Variants in PRKN observed in about 807,000 individuals in gnomAD.
PRKN encodes the protein E3 ubiquitin-protein ligase parkin.
Under a neutral mutation model 59.5 loss-of-function variants are expected in PRKN, and 56 were observed. That is an observed-to-expected ratio of 0.94 (90% CI 0.76 to 1.18). The LOEUF (loss-of-function observed/expected upper bound fraction) is 1.18. Ranked by LOEUF, PRKN falls within the 50% of genes most tolerant of loss-of-function variation. PRKN has a pLI of 0.00. For missense variants in PRKN, 657 were observed against 596.4 expected (o/e 1.10, Z -1.06); for synonymous variants, 250 against 222.1 (o/e 1.13, Z -1.12).
At chr6:161,513,987 T>C (rs1177584859) in intron 9 of PRKN, among the ~76,000 whole-genome samples, 1 of 152,076 alleles carries the variant, frequency 6.6e-6, no homozygotes, top group Non-Finnish European at 1.5e-5. Flanking sequence ...TATGAAAAGT[T>C]GGTGGTTGTG....
intron 2 of PRKN, among the ~76,000 whole-genome samples, chr6:162,427,447 G>T (rs1022922068): frequency 6.6e-6 from 1 of 152,150 alleles, no homozygotes; most frequent in Admixed American, 6.5e-5. Flanking sequence ...AATCCATTGT[G>T]ATGTCACACA....
intron 1 of PRKN, among the ~76,000 whole-genome samples, chr6:162,455,621 T>C (rs936610238): frequency 1.3e-5 from 2 of 152,156 alleles, no homozygotes; most frequent in East Asian, 1.9e-4. Context: ...TTGACAGATA[T>C]AAGATGGCTA....
chr6:161,712,239 T>C (rs1786779362), intron 7 of PRKN, among the ~76,000 whole-genome samples: 1 of 152,148 alleles, frequency 6.6e-6, no homozygotes, highest in Admixed American at 6.5e-5. Flanking sequence ...TAACAAGCAG[T>C]AATGGAGTCA....
At chr6:161,771,001 AT>A (rs1466009132) in intron 7 of PRKN, among the ~76,000 whole-genome samples, 1 of 152,086 alleles carries the variant, frequency 6.6e-6, no homozygotes, top group Non-Finnish European at 1.5e-5. Flanking sequence ...GGGAAAATTA[AT>A]TCCTGCCGTT....
At position 161,546,243 on chromosome 6, in the gene PRKN, T is replaced by C. The variant is rs1252945493; in HGVS notation, c.1083+2611A>G. On this transcript the variant is annotated intron_variant, in intron 9 of 11. Transcript: ENST00000366898. The surrounding 1 kb of genome is among the most constrained non-coding windows in gnomAD (Gnocchi z 4.4). Reference sequence around the variant, plus strand: ...TTATTATCTCATTTAGTATGCACAATAGTTTTATACAGAGTTGCTCATATA... The same window carrying C: ...TTATTATCTCATTTAGTATGCACAACAGTTTTATACAGAGTTGCTCATATA... Among the ~76,000 whole-genome samples, 2 of 152,242 alleles carry C rather than the reference T, an allele frequency of 1.3e-5. No homozygotes were observed. The highest frequency in any genetic ancestry group is 2.1e-4 in the South Asian group (1 of 4,834).
At chr6:162,376,679 G>T (rs540647728) in intron 2 of PRKN, among the ~76,000 whole-genome samples, 1 of 145,394 alleles carries the variant, frequency 6.9e-6, no homozygotes, top group Admixed American at 7.0e-5. Flanking sequence ...AAGTAGTGCC[G>T]AAACCAAGAA....
chr6:162,048,526 CA>C (rs1397133760), intron 5 of PRKN, among the ~76,000 whole-genome samples: 2 of 152,174 alleles, frequency 1.3e-5, no homozygotes, highest in East Asian at 3.9e-4. Flanking sequence ...ACTAGGACTT[CA>C]GGGTTTTCCT....
chr6:161,350,075 C>A lies in PRKN; in HGVS notation c.*24G>T. The A allele has an allele frequency of 6.8e-7, 1 of 1,481,070 alleles. No homozygotes were observed. Among genetic ancestry groups the A allele is most frequent in the Non-Finnish European group, 9.4e-7 (1 of 1,060,570 alleles). The allele number at this position is 1,481,070 out of a possible 1,614,324, so 91.7% of individuals were successfully genotyped here. A position where few individuals can be genotyped will look rare whatever the true frequency, so the allele number is the denominator to read the frequency against. On this transcript the variant is annotated 3_prime_UTR_variant, in exon 12 of 12. Coordinates refer to ENST00000366898, the MANE Select transcript of PRKN (RefSeq NM_004562.3). ...CTGGGTATGCTCCCCCAGGATGTGGCGATGGGGCGCCCGGCCGCCCTGGCT... is the reference window on the plus strand; with the variant it reads ...CTGGGTATGCTCCCCCAGGATGTGGAGATGGGGCGCCCGGCCGCCCTGGCT...
chr6:162,508,293 G>C (rs1439389381), intron 1 of PRKN, among the ~76,000 whole-genome samples: 4 of 152,112 alleles, frequency 2.6e-5, no homozygotes, highest in African/African-American at 9.7e-5. Context: ...CAACACATGG[G>C]AATTACAGGA....
intron 1 of PRKN, among the ~76,000 whole-genome samples, chr6:162,575,228 T>A (rs1475185813): frequency 1.3e-5 from 2 of 152,186 alleles, no homozygotes; most frequent in Non-Finnish European, 2.9e-5. Flanking sequence ...GAGAAAGCGA[T>A]GTCTTCTGGT....
chr6:162,724,897 G>A (rs1450813775), intron 1 of PRKN, among the ~76,000 whole-genome samples: 1 of 152,250 alleles, frequency 6.6e-6, no homozygotes, highest in Non-Finnish European at 1.5e-5. Context: ...GCACCACAGA[G>A]AAGGTTATAG....
chr6:162,136,255 C>G (rs1418696608), intron 4 of PRKN, among the ~76,000 whole-genome samples: 1 of 151,862 alleles, frequency 6.6e-6, no homozygotes. Flanking sequence ...AAAGGAACAT[C>G]CAGGAAAAAC....
chr6:161,813,444 C>T (rs1034621456), intron 6 of PRKN, among the ~76,000 whole-genome samples: 21 of 152,194 alleles, frequency 1.4e-4, no homozygotes, highest in Non-Finnish European at 2.9e-4. Context: ...GTTTCCTTCT[C>T]CTTCTCTTCT....
At chr6:161,850,048 C>T (rs1793362105) in intron 6 of PRKN, among the ~76,000 whole-genome samples, 1 of 152,070 alleles carries the variant, frequency 6.6e-6, no homozygotes, top group Non-Finnish European at 1.5e-5. Context: ...CCAGCGGTCA[C>T]CCTCCTTCCC....
intron 4 of PRKN, among the ~76,000 whole-genome samples, chr6:162,129,893 A>C (rs1415898897): frequency 6.6e-6 from 1 of 152,198 alleles, no homozygotes; most frequent in Non-Finnish European, 1.5e-5. Flanking sequence ...TGAGGAAAAA[A>C]CAGCTAGATT....
At chr6:162,313,648 C>T (rs1291557136) in intron 2 of PRKN, among the ~76,000 whole-genome samples, 3 of 151,912 alleles carry the variant, frequency 2.0e-5, no homozygotes, top group South Asian at 4.1e-4. Context: ...CCATCATGCC[C>T]GGCTAATTTT....
chr6:161,851,061 C>T (rs1480217610), intron 6 of PRKN, among the ~76,000 whole-genome samples: 1 of 152,164 alleles, frequency 6.6e-6, no homozygotes, highest in Non-Finnish European at 1.5e-5. Context: ...CTCCAAAGTT[C>T]CTAAGTTGGA....
chr6:161,417,987 C>T lies in PRKN; in HGVS notation c.1084-31110G>A, dbSNP rs570498216. On this transcript the variant is annotated intron_variant, in intron 9 of 11. Coordinates refer to ENST00000366898, the MANE Select transcript of PRKN (RefSeq NM_004562.3). The surrounding 1 kb of genome is among the most constrained non-coding windows in gnomAD (Gnocchi z 5.4). ...CCACGCTCCCTCCTGGGCCTGGCCC[C>T]CAGGCCTGGCTGACTCCATGGGGGG... 6.6e-6 allele frequency among the ~76,000 whole-genome samples: 1 copy of T among 152,320 alleles called. No individual in the cohort carries two copies. Among genetic ancestry groups the T allele is most frequent in the South Asian group, 2.1e-4 (1 of 4,834 alleles).
At chr6:161,886,648 G>A (rs1463165565) in intron 6 of PRKN, among the ~76,000 whole-genome samples, 1 of 151,912 alleles carries the variant, frequency 6.6e-6, no homozygotes, top group Non-Finnish European at 1.5e-5. Flanking sequence ...GGTGAGCCGA[G>A]ATCGCGCCAC....
Sources: gnomAD v4.1 joint callset for allele counts (sites outside exome capture counted in the v4.1 genomes callset) on GRCh38, gnomAD v4.1.1 for gene constraint, Gnocchi (gnomAD v3.1) non-coding constraint, MANE v1.5 for transcripts, NCBI Gene and HGNC (gene_info 2026-07-23, HGNC 2026-07-21) for gene names.